Variants in KIF3B observed in about 807,000 individuals in gnomAD.
The protein encoded by KIF3B is kinesin family member 3B.
In KIF3B, 38 loss-of-function variants were observed where a neutral mutation model predicts 74.3. That is an observed-to-expected ratio of 0.51 (90% CI 0.39 to 0.67). The LOEUF (loss-of-function observed/expected upper bound fraction) is 0.67, where lower values mean the gene tolerates loss of function less well. KIF3B is among the 30% of genes least tolerant of loss of function. The probability of loss-of-function intolerance (pLI) is 0.00; values close to 1 mark genes in which losing one functional copy is unlikely to be tolerated. For synonymous variants in KIF3B, 326 were observed against 342.5 expected (o/e 0.95, Z 0.53); for missense variants, 649 against 932.0 (o/e 0.70, Z 3.95).
chr20:32,325,763 G>A (rs1324549682), intron 5 of KIF3B, among the ~76,000 whole-genome samples: 1 of 144,670 alleles, frequency 6.9e-6, no homozygotes, highest in Non-Finnish European at 1.5e-5. Flanking sequence ...TGCCCTCTGG[G>A]TTCAAGTGAT....
chr20:32,281,810 A>G (rs1293208688), intron 1 of KIF3B, among the ~76,000 whole-genome samples: 2 of 152,242 alleles, frequency 1.3e-5, no homozygotes, highest in Non-Finnish European at 2.9e-5. Flanking sequence ...GGGACGGGCC[A>G]GCCATTTGAA....
chr20:32,314,175 T>C (rs145119500), intron 2 of KIF3B, among the ~76,000 whole-genome samples: 1 of 152,332 alleles, frequency 6.6e-6, no homozygotes, highest in African/African-American at 2.4e-5. Context: ...ACTGCATCTC[T>C]TAGACATTTT....
At chr20:32,308,297 C>T (rs2047782161) in intron 1 of KIF3B, among the ~76,000 whole-genome samples, 1 of 152,184 alleles carries the variant, frequency 6.6e-6, no homozygotes. Context: ...GATCATAGCT[C>T]ACTGCAGCCT....
intron 1 of KIF3B, among the ~76,000 whole-genome samples, chr20:32,301,326 A>T (rs544455265): frequency 6.6e-6 from 1 of 151,876 alleles, no homozygotes; most frequent in Non-Finnish European, 1.5e-5. Context: ...CGGCCTCCCA[A>T]AGTGCTGGGA....
chr20:32,278,413 C>G (rs1426287342), intron 1 of KIF3B, among the ~76,000 whole-genome samples: 2 of 152,140 alleles, frequency 1.3e-5, no homozygotes, highest in Non-Finnish European at 2.9e-5. Flanking sequence ...CTGGGTATGT[C>G]AAGTAGCTTG....
Position 32,334,401 on chromosome 20 carries a change from G to T in KIF3B, c.*3082G>T, listed in dbSNP as rs572246723. ...CCAAGGGCGCCAGAGTGCTGCAACT[G>T]GGGCGTGGGCCGCTCTCTGCTTTTC... On this transcript the variant is annotated 3_prime_UTR_variant, in exon 9 of 9. Coordinates refer to ENST00000375712, the MANE Select transcript of KIF3B (RefSeq NM_004798.4). 1.3e-5 allele frequency: 2 copies of T among 152,750 alleles called. No homozygotes were observed. The highest frequency in any genetic ancestry group is 4.1e-4 in the South Asian group (2 of 4,826). 9.5% of individuals were successfully genotyped at this position (152,750 alleles called of 1,614,324 possible).
chr20:32,294,731 T>G (rs2047708582), intron 1 of KIF3B, among the ~76,000 whole-genome samples: 1 of 152,196 alleles, frequency 6.6e-6, no homozygotes, highest in Non-Finnish European at 1.5e-5. Flanking sequence ...GAGCAGAAAT[T>G]CAAAGCCAGA....
At chr20:32,318,355 A>T (rs2122702701) in intron 5 of KIF3B, among the ~76,000 whole-genome samples, 1 of 152,244 alleles carries the variant, frequency 6.6e-6, no homozygotes, top group South Asian at 2.1e-4. Context: ...GTTTTTTTAA[A>T]AGCATATATA....
At chr20:32,327,754 T>A (rs1261491234) in intron 7 of KIF3B, 93 bp downstream of exon 7, 1 of 818,860 alleles carries the variant, frequency 1.2e-6, no homozygotes. Context: ...AGTTCATACC[T>A]TCTTTCCAGA....
intron 1 of KIF3B, among the ~76,000 whole-genome samples, chr20:32,306,581 C>CTTTT (rs935086574): frequency 7.2e-5 from 6 of 82,844 alleles, no homozygotes; most frequent in African/African-American, 1.4e-4. Flanking sequence ...AGTTTTTCCT[C>CTTTT]TTTTTTTTTT....
At position 32,309,795 on chromosome 20, in the gene KIF3B, C is replaced by G. The variant is rs758821777; in HGVS notation, c.18C>G (p.Ser6Arg). ...AGTTCATCATGTCAAAGTTGAAAAGCTCAGAGTCAGTCAGGGTGGTGGTTC... is the reference window on the plus strand; with the variant it reads ...AGTTCATCATGTCAAAGTTGAAAAGGTCAGAGTCAGTCAGGGTGGTGGTTC... MSKLK[S>R]SESVRVVVRC... The change falls in exon 2 of 9, where the codon AGC (serine) becomes AGG (arginine). Residue 6 changes from serine (S) to arginine (R), a missense_variant. This residue lies in a region of KIF3B where 96 missense variants were observed against 119.0 expected (regional missense o/e 0.81). Coordinates refer to ENST00000375712, the MANE Select transcript of KIF3B (RefSeq NM_004798.4). 18 of 1,612,806 alleles carry G rather than the reference C, an allele frequency of 1.1e-5. No homozygotes were observed. The highest frequency in any genetic ancestry group is 1.5e-5 in the Non-Finnish European group (18 of 1,179,360).
intron 1 of KIF3B, among the ~76,000 whole-genome samples, chr20:32,291,527 T>A (rs542327014): frequency 6.6e-6 from 1 of 152,290 alleles, no homozygotes; most frequent in Non-Finnish European, 1.5e-5. Flanking sequence ...AAGAACTTTC[T>A]TTTTAAAATA....
chr20:32,290,010 C>T (rs979559493), intron 1 of KIF3B, among the ~76,000 whole-genome samples: 30 of 152,214 alleles, frequency 2.0e-4, no homozygotes, highest in Middle Eastern at 3.4e-3. Flanking sequence ...AGTCCTCACA[C>T]GGCCCCAAGC....
At chr20:32,318,162 T>C (rs190433879) in intron 5 of KIF3B, among the ~76,000 whole-genome samples, 1,667 of 151,862 alleles carry the variant, frequency 0.011, 14 homozygotes, top group Non-Finnish European at 0.018. Context: ...ATTAGCTGGG[T>C]GTGATGGCGT....
At position 32,326,921 on chromosome 20, in the gene KIF3B, T is replaced by C. The variant is rs202178019; in HGVS notation, c.1862+37T>C. 7.4e-4 allele frequency: 737 copies of C among 990,660 alleles called. 6 individuals are homozygous for C. The highest frequency in any genetic ancestry group is 5.8e-3 in the South Asian group (407 of 69,774). The allele number at this position is 990,660 out of a possible 1,614,324, so 61.4% of individuals were successfully genotyped here. On this transcript the variant is annotated intron_variant, in intron 6 of 8. Coordinates refer to ENST00000375712, the MANE Select transcript of KIF3B (RefSeq NM_004798.4). Reference sequence around the variant, plus strand: ...TTAACTTCAAGTATATTTTCAAGTATGAGGGAGGAAAAGAATGTTGATAAC... The same window carrying C: ...TTAACTTCAAGTATATTTTCAAGTACGAGGGAGGAAAAGAATGTTGATAAC...
rs535882609 is a variant in KIF3B at position 32,300,481 on chromosome 20, G to A, written c.-65-9232G>A. On this transcript the variant is annotated intron_variant, in intron 1 of 8. Transcript: ENST00000375712. ...TTTTTAGTAGAGACAGGATTTCACCGCGTTAGCCACAATAGTCTCCATCTC... is the reference window on the plus strand; with the variant it reads ...TTTTTAGTAGAGACAGGATTTCACCACGTTAGCCACAATAGTCTCCATCTC... Among the ~76,000 whole-genome samples, 81 of 152,124 alleles carry A rather than the reference G, an allele frequency of 5.3e-4. No homozygotes were observed. The East Asian group carries it at 9.5e-3, about 18-fold the overall frequency.
intron 1 of KIF3B, among the ~76,000 whole-genome samples, chr20:32,280,574 G>A (rs980135463): frequency 2.0e-5 from 3 of 151,774 alleles, no homozygotes; most frequent in Non-Finnish European, 4.4e-5. Flanking sequence ...AATTAGCTGG[G>A]CATGGTGGCG....
At chr20:32,322,698 A>G (rs1174786556) in intron 5 of KIF3B, among the ~76,000 whole-genome samples, 1 of 42,928 alleles carries the variant, frequency 2.3e-5, no homozygotes, top group Non-Finnish European at 3.9e-5. Context: ...ATTTATATAT[A>G]TTTATATATT....
chr20:32,288,297 T>C (rs977213347), intron 1 of KIF3B, among the ~76,000 whole-genome samples: 1 of 152,108 alleles, frequency 6.6e-6, no homozygotes, highest in Non-Finnish European at 1.5e-5. Flanking sequence ...GAGACCAGCC[T>C]GGGCAGCATA....
Sources: allele counts gnomAD v4.1 joint callset (sites outside exome capture counted in the v4.1 genomes callset), GRCh38; gene constraint gnomAD v4.1.1; regional missense constraint gnomAD v4.1.1; transcripts MANE v1.5; gene names NCBI Gene and HGNC (gene_info 2026-07-23, HGNC 2026-07-21).